Variants in TUSC3 observed in about 807,000 individuals in gnomAD.
TUSC3 encodes the protein tumor suppressor candidate 3.
In TUSC3, 45 loss-of-function variants were observed where a neutral mutation model predicts 44.8. That is an observed-to-expected ratio of 1.00 (90% CI 0.79 to 1.29). TUSC3 has a LOEUF of 1.29. TUSC3 is among the 50% of genes most tolerant of loss of function. The pLI is 0.00. For missense variants in TUSC3, 519 were observed against 437.9 expected (o/e 1.19, Z -1.65); for synonymous variants, 212 against 152.9 (o/e 1.39, Z -2.85).
At chr8:15,552,414 G>T (rs1444396904) in intron 1 of TUSC3, among the ~76,000 whole-genome samples, 1 of 151,722 alleles carries the variant, frequency 6.6e-6, no homozygotes, top group Non-Finnish European at 1.5e-5. Flanking sequence ...TTCAGTGGGA[G>T]ATTCAGACAG....
chr8:15,588,766 A>T (rs563561095), intron 1 of TUSC3, among the ~76,000 whole-genome samples: 3 of 152,244 alleles, frequency 2.0e-5, no homozygotes, highest in African/African-American at 2.4e-5. Context: ...CTTTCTGCAT[A>T]TGGATGGATA....
At chr8:15,573,177 T>TCC (rs1802947319) in intron 1 of TUSC3, among the ~76,000 whole-genome samples, 5 of 81,960 alleles carry the variant, frequency 6.1e-5, no homozygotes, top group Non-Finnish European at 9.7e-5. Flanking sequence ...TTTCTCTCTC[T>TCC]CTCTCTCTCT....
At chr8:15,471,911 C>T (rs1016526458) in intron 1 of TUSC3, among the ~76,000 whole-genome samples, 1 of 152,140 alleles carries the variant, frequency 6.6e-6, no homozygotes, top group Admixed American at 6.5e-5. Flanking sequence ...AGCTGCCACA[C>T]CTGGCCCCCA....
chr8:15,642,606 G>A lies in TUSC3; in HGVS notation c.309-8091G>A, dbSNP rs573571390. Among the ~76,000 whole-genome samples the A allele has an allele frequency of 3.3e-5, 5 of 152,196 alleles. No individual in the cohort carries two copies. The East Asian group carries it at 9.7e-4, about 30-fold the overall frequency. The stretch of plus-strand genomic sequence containing the variant: ...ATTCTGTTCTTTACCACATGAAGCT[G>A]AAGAATAGACTTACTGGGAAATCCT... On this transcript the variant is annotated intron_variant, in intron 2 of 10. Coordinates refer to ENST00000503731, the MANE Select transcript of TUSC3 (RefSeq NM_006765.4).
At chr8:15,696,705 T>A (rs1809183657) in intron 6 of TUSC3, among the ~76,000 whole-genome samples, 1 of 152,216 alleles carries the variant, frequency 6.6e-6, no homozygotes, top group Non-Finnish European at 1.5e-5. Context: ...AGCATCTTGT[T>A]AAGGATTTTA....
chr8:15,602,664 ATATGTG>A (rs1419841419), intron 1 of TUSC3, among the ~76,000 whole-genome samples: 1 of 102,324 alleles, frequency 9.8e-6, no homozygotes, highest in East Asian at 3.1e-4. Flanking sequence ...TAAAATATTT[ATATGTG>A]TGTGTGTGTG....
chr8:15,807,125 C>T, the TUSC3 span: 1 of 1,087,806 alleles, frequency 9.2e-7, no homozygotes, highest in Non-Finnish European at 1.4e-6. Context: ...CAAAGAATGA[C>T]CACCTTTCAA....
intron 9 of TUSC3, among the ~76,000 whole-genome samples, chr8:15,750,245 C>T (rs1177572027): frequency 6.6e-6 from 1 of 152,026 alleles, no homozygotes; most frequent in Non-Finnish European, 1.5e-5. Context: ...TCCCAAAGTG[C>T]TGGGATTACA....
intron 2 of TUSC3, among the ~76,000 whole-genome samples, chr8:15,527,940 G>A (rs1316815417): frequency 6.6e-6 from 1 of 152,052 alleles, no homozygotes; most frequent in Non-Finnish European, 1.5e-5. Context: ...CAATATAGAT[G>A]AAATTCCATT....
At chr8:15,750,458 A>G (rs1811648008) in intron 9 of TUSC3, among the ~76,000 whole-genome samples, 1 of 152,160 alleles carries the variant, frequency 6.6e-6, no homozygotes. Context: ...CTAGTTTTTT[A>G]TAATGTTGCA....
chr8:15,611,270 C>T (rs923999775), intron 1 of TUSC3, among the ~76,000 whole-genome samples: 6 of 152,042 alleles, frequency 3.9e-5, no homozygotes, highest in Admixed American at 3.9e-4. Flanking sequence ...CACTGCAAAT[C>T]CCGCCTCCCA....
chr8:15,624,496 C>T (rs1805400908), intron 2 of TUSC3, among the ~76,000 whole-genome samples: 1 of 152,134 alleles, frequency 6.6e-6, no homozygotes, highest in Non-Finnish European at 1.5e-5. Flanking sequence ...TTTATTTTAG[C>T]CATTCTGATA....
intron 1 of TUSC3, among the ~76,000 whole-genome samples, chr8:15,470,549 C>A (rs117340066): frequency 6.6e-6 from 1 of 152,054 alleles, no homozygotes; most frequent in African/African-American, 2.4e-5. Context: ...TGTGTCGGGA[C>A]AGGAGGTATA....
At chr8:15,535,390 G>GTA (rs1801507215), upstream of TUSC3, among the ~76,000 whole-genome samples, 1 of 152,176 alleles carries the variant, frequency 6.6e-6, no homozygotes, top group Non-Finnish European at 1.5e-5. Flanking sequence ...TTAGTGCTGT[G>GTA]CTTTAGGGAA....
intron 1 of TUSC3, among the ~76,000 whole-genome samples, chr8:15,443,733 G>T (rs902967780): frequency 3.3e-5 from 5 of 152,096 alleles, no homozygotes; most frequent in Admixed American, 2.0e-4. Context: ...AGAAATTATG[G>T]TTTAGGAGTC....
At chr8:15,795,488 T>A in the TUSC3 span, among the ~76,000 whole-genome samples, 1 of 152,296 alleles carries the variant, frequency 6.6e-6, no homozygotes, top group South Asian at 2.1e-4. Flanking sequence ...AATGTGTCAC[T>A]TACCCCTCCA....
the TUSC3 span, among the ~76,000 whole-genome samples, chr8:15,825,444 A>G: frequency 1.3e-5 from 2 of 152,118 alleles, no homozygotes; most frequent in Non-Finnish European, 2.9e-5. Flanking sequence ...CATTGTCACA[A>G]GAACAGCATT....
intron 1 of TUSC3, among the ~76,000 whole-genome samples, chr8:15,482,141 T>C (rs897455506): frequency 5.9e-5 from 9 of 152,346 alleles, no homozygotes; most frequent in East Asian, 1.9e-4. Flanking sequence ...AACAACTCCT[T>C]ATCTGTTTAA....
intron 1 of TUSC3, among the ~76,000 whole-genome samples, chr8:15,427,974 TTTTA>T (rs1157638179): frequency 5.9e-5 from 9 of 152,132 alleles, no homozygotes; most frequent in African/African-American, 1.9e-4. Context: ...TAAATTTTTT[TTTTA>T]TTATTATACT....
Sources: gnomAD v4.1 joint callset for allele counts (sites outside exome capture counted in the v4.1 genomes callset) on GRCh38, gnomAD v4.1.1 for gene constraint, MANE v1.5 for transcripts, NCBI Gene and HGNC (gene_info 2026-07-23, HGNC 2026-07-21) for gene names.